The following KIF23 variants were observed in gnomAD, a reference collection of about 807,000 sequenced individuals.
KIF23 encodes the protein kinesin-like protein KIF23.
In KIF23, 30 loss-of-function variants were observed where a neutral mutation model predicts 137.5. The observed-to-expected ratio is 0.22, with a 90% CI of 0.16 to 0.30. KIF23 has a LOEUF of 0.30. Ranked by LOEUF, KIF23 falls within the 10% of genes least tolerant of loss-of-function variation. The pLI, the probability that KIF23 is intolerant of heterozygous loss-of-function variation, is 1.00. For missense variants in KIF23, 920 were observed against 1,194.3 expected, an observed-to-expected ratio of 0.77 and a Z score of 3.38; for synonymous variants, 367 against 391.1, an observed-to-expected ratio of 0.94 and a Z score of 0.73.
chr15:69,445,074 A>G, intron 20 of KIF23, 33 bp downstream of exon 20: 1 of 1,571,226 alleles, frequency 6.4e-7, no homozygotes, highest in Non-Finnish European at 8.6e-7. Flanking sequence ...AGAAAAAAAT[A>G]TATTTAAAAA....
At chr15:69,438,473 T>C (rs1220647940) in intron 16 of KIF23, 68 bp downstream of exon 16, 19 of 1,440,484 alleles carry the variant, frequency 1.3e-5, no homozygotes, top group East Asian at 7.0e-5. Flanking sequence ...GAGGGAGATA[T>C]TGTGCTCCAA....
At chr15:69,424,697 G>A (rs11072096) in intron 7 of KIF23, among the ~76,000 whole-genome samples, 128,267 of 152,006 alleles carry the variant, frequency 0.84, 56,045 homozygotes, top group Non-Finnish European at 0.97. Context: ...AGGAGTGATA[G>A]GGGTCTCACT....
chr15:69,422,543 T>G, intron 6 of KIF23, 108 bp downstream of exon 6: 1 of 678,402 alleles, frequency 1.5e-6, no homozygotes, highest in Non-Finnish European at 2.6e-6. Flanking sequence ...AGTTGACTTT[T>G]GTGAGATTAA....
Position 69,445,980 on chromosome 15 carries a change from G to T in KIF23, c.2674-29G>T, listed in dbSNP as rs755594070. 4.0e-6 allele frequency: 6 copies of T among 1,505,770 alleles called. No homozygotes were observed. In the South Asian group the frequency reaches 5.7e-5, roughly 14 times the overall value. The allele number at this position is 1,505,770 out of a possible 1,614,324, so 93.3% of individuals were successfully genotyped here. A position where few individuals can be genotyped will look rare whatever the true frequency, so the allele number is the denominator to read the frequency against. ...GTTTTTCGTTTGGGTGTATCAATGT[G>T]TAACAGTGACCTTTTCTTTTGGCTT... is the stretch of plus-strand genomic sequence containing the variant. On this transcript the variant is annotated intron_variant, in intron 20 of 23. Transcript: ENST00000679126.
At chr15:69,421,587 G>A (rs1272738657) in intron 3 of KIF23, 60 bp from the exon 4 acceptor site, 4 of 1,016,092 alleles carry the variant, frequency 3.9e-6, no homozygotes, top group Non-Finnish European at 6.2e-6. Context: ...TTAAGGAGAT[G>A]TATTTTTAGC....
Position 69,414,425 on chromosome 15 carries a change from C to G in KIF23, c.-41C>G. On this transcript the variant is annotated 5_prime_UTR_variant, in exon 1 of 24. Coordinates refer to ENST00000679126, the MANE Select transcript of KIF23 (RefSeq NM_001367805.3). ...ACGTCCCGCAGTCTTCGCCAGCCAG[C>G]CGTCCCGCATGCGCGTTTGGGCGGC... The G allele has an allele frequency of 6.3e-7, 1 of 1,575,180 alleles. No homozygotes were observed. Among genetic ancestry groups the G allele is most frequent in the Non-Finnish European group, 8.6e-7 (1 of 1,160,342 alleles).
intron 3 of KIF23, among the ~76,000 whole-genome samples, chr15:69,420,156 CG>C: frequency 6.6e-6 from 1 of 152,022 alleles, no homozygotes; most frequent in South Asian, 2.1e-4. Context: ...CACAGCTACT[CG>C]GGAGGCTGAG....
chr15:69,448,021 C>A lies in KIF23; in HGVS notation c.*214C>A. 2.7e-6 allele frequency: 1 copy of A among 373,744 alleles called. No individual in the cohort carries two copies. The highest frequency in any genetic ancestry group is 4.8e-6 in the Non-Finnish European group (1 of 208,616). The allele number at this position is 373,744 out of a possible 1,614,324, so 23.2% of individuals were successfully genotyped here. A position where few individuals can be genotyped will look rare whatever the true frequency, so the allele number is the denominator to read the frequency against. ...CAAACCTTGTATAGTATATGTTTTG[C>A]CATATTTAATATTAATAGCAGAGGA... On this transcript the variant is annotated 3_prime_UTR_variant, in exon 24 of 24. Transcript: ENST00000679126.
intron 11 of KIF23, among the ~76,000 whole-genome samples, chr15:69,429,427 T>C (rs1286307940): frequency 6.6e-6 from 1 of 152,092 alleles, no homozygotes; most frequent in Non-Finnish European, 1.5e-5. Context: ...ATTGTAACCT[T>C]CTGAGTAGAT....
At chr15:69,427,274 C>T (rs999562709) in intron 10 of KIF23, 24 of 388,056 alleles carry the variant, frequency 6.2e-5, no homozygotes, top group South Asian at 4.6e-4. Flanking sequence ...AATTTAGTAT[C>T]CATAGGAGAT....
chr15:69,446,111 C>T lies in KIF23; in HGVS notation c.2756+20C>T. 6.2e-7 allele frequency: 1 copy of T among 1,600,266 alleles called. No homozygotes were observed. Among genetic ancestry groups the T allele is most frequent in the Non-Finnish European group, 8.6e-7 (1 of 1,167,600 alleles). Reference sequence around the variant, plus strand: ...AAATGGGTAAGTAACCATCAAAAATCTCTGTATAAAAGTTGGTCATTTTCT... The same window carrying T: ...AAATGGGTAAGTAACCATCAAAAATTTCTGTATAAAAGTTGGTCATTTTCT... On this transcript the variant is annotated intron_variant, in intron 21 of 23. Transcript: ENST00000679126.
chr15:69,431,613 CAAA>C (rs58235050), intron 11 of KIF23, among the ~76,000 whole-genome samples: 4 of 136,858 alleles, frequency 2.9e-5, no homozygotes, highest in Non-Finnish European at 6.4e-5. Flanking sequence ...GACTCCGTCT[CAAA>C]AAAAAAAAAA....
intron 19 of KIF23, among the ~76,000 whole-genome samples, chr15:69,443,335 T>TG (rs2057668784): frequency 8.6e-6 from 1 of 116,742 alleles, no homozygotes. Context: ...GGTTTTTTTT[T>TG]TTTTTTTTTT....
At chr15:69,441,529 A>G (rs1188044488) in intron 19 of KIF23, among the ~76,000 whole-genome samples, 1 of 152,166 alleles carries the variant, frequency 6.6e-6, no homozygotes, top group African/African-American at 2.4e-5. Flanking sequence ...AAGTAGAAAG[A>G]ATAGTATGGT....
At chr15:69,425,369 A>G (rs774250472) in intron 8 of KIF23, 46 bp downstream of exon 8, 62 of 1,483,356 alleles carry the variant, frequency 4.2e-5, no homozygotes, top group Admixed American at 3.2e-4. Context: ...GGGTGCAGTT[A>G]TACTATGGTT....
intron 11 of KIF23, among the ~76,000 whole-genome samples, chr15:69,433,294 C>T (rs2140367441): frequency 6.6e-6 from 1 of 152,284 alleles, no homozygotes; most frequent in South Asian, 2.1e-4. Flanking sequence ...AGTTAGCTGA[C>T]CTCAATCAAG....
chr15:69,425,332 TG>T lies in KIF23; in HGVS notation c.776+11del, dbSNP rs569244524. ...AGGAACACAGATTTTGTGTATGTGA[TG>T]GTGTTGGCTCTTTTCTTAAGGAGAA... On this transcript the variant is annotated intron_variant, in intron 8 of 23. Coordinates refer to ENST00000679126, the MANE Select transcript of KIF23 (RefSeq NM_001367805.3). The T allele has an allele frequency of 1.3e-4, 203 of 1,535,386 alleles. 4 individuals carry two copies. The South Asian group carries it at 2.3e-3, about 17-fold the overall frequency.
chr15:69,420,461 G>T (rs1397998084), intron 3 of KIF23, among the ~76,000 whole-genome samples: 1 of 151,992 alleles, frequency 6.6e-6, no homozygotes, highest in East Asian at 1.9e-4. Context: ...AAGATTCTTT[G>T]TTCTTTTTGA....
chr15:69,426,388 T>C lies in KIF23; in HGVS notation c.942T>C (p.Arg314=). 1 of 1,614,136 alleles carries C rather than the reference T, an allele frequency of 6.2e-7. No homozygotes were observed. The highest frequency in any genetic ancestry group is 8.5e-7 in the Non-Finnish European group (1 of 1,179,950). The part of the protein sequence containing the change: ...ANTHLNRESS[R]SHSVFNIKLV... ...CCCATTTGAATCGTGAGTCCAGCCG[T>C]TCCCATAGCGTGTTCAACATTAAAT... The change falls in exon 10 of 24, where the codon CGT becomes CGC. Residue 314 remains arginine (R), a synonymous_variant. Transcript: ENST00000679126.
Sources: allele counts gnomAD v4.1 joint callset (sites outside exome capture counted in the v4.1 genomes callset), GRCh38; gene constraint gnomAD v4.1.1; transcripts MANE v1.5; gene names NCBI Gene and HGNC (gene_info 2026-07-23, HGNC 2026-07-21).